Variants in PCDH11X observed in about 807,000 individuals in gnomAD.
The protein encoded by PCDH11X is protocadherin 11 X-linked, also known as protocadherin-11 X-linked.
PCDH11X carries 18 observed loss-of-function variants against 53.3 expected under a neutral mutation model. The ratio of observed to expected loss-of-function variants is 0.34; its 90% CI spans 0.23 to 0.50. The LOEUF is 0.50. Ranked by LOEUF, PCDH11X falls within the 20% of genes least tolerant of loss-of-function variation. The pLI, the probability that PCDH11X is intolerant of heterozygous loss-of-function variation, is 0.98. For missense variants in PCDH11X, 570 were observed against 1,032.4 expected, an observed-to-expected ratio of 0.55 and a Z score of 6.14; for synonymous variants, 279 against 393.3, an observed-to-expected ratio of 0.71 and a Z score of 3.44.
intron 6 of PCDH11X, among the ~76,000 whole-genome samples, chrX:92,122,866 G>A (rs1371277570): frequency 9.0e-6 from 1 of 111,107 alleles, no homozygotes; most frequent in East Asian, 2.8e-4. Context: ...GAACCTGGGA[G>A]GTGGAGGTTC....
intron 5 of PCDH11X, among the ~76,000 whole-genome samples, chrX:91,869,369 T>A (rs1393123574): frequency 9.0e-6 from 1 of 110,779 alleles, no homozygotes; most frequent in African/African-American, 3.3e-5. Flanking sequence ...AGTGAAAAAA[T>A]CATTGAACTA....
intron 7 of PCDH11X, among the ~76,000 whole-genome samples, chrX:92,210,621 A>G (rs1006014322): frequency 2.7e-5 from 3 of 111,667 alleles, no homozygotes; most frequent in African/African-American, 6.5e-5. Context: ...ATTTTAAAAT[A>G]TAAGTTACAG....
intron 10 of PCDH11X, among the ~76,000 whole-genome samples, chrX:92,591,802 A>C (rs1446292176): frequency 9.0e-6 from 1 of 111,120 alleles, no homozygotes; most frequent in Admixed American, 9.6e-5. Context: ...AAAAGGCCTC[A>C]TCTTTGTTGG....
intron 6 of PCDH11X, among the ~76,000 whole-genome samples, chrX:91,903,107 T>C (rs769042580): frequency 1.2e-3 from 134 of 111,408 alleles, no homozygotes; most frequent in Non-Finnish European, 2.2e-3. Flanking sequence ...AAAGCTGTTA[T>C]TTAAATACAA....
chrX:92,190,667 A>G (rs1256546674), intron 6 of PCDH11X, among the ~76,000 whole-genome samples: 1 of 111,664 alleles, frequency 9.0e-6, no homozygotes, highest in Non-Finnish European at 1.9e-5. Flanking sequence ...CAAAATTTCA[A>G]TGAGTCTACT....
At chrX:92,311,407 C>T (rs1292909006) in intron 8 of PCDH11X, among the ~76,000 whole-genome samples, 1 of 109,423 alleles carries the variant, frequency 9.1e-6, no homozygotes, top group Admixed American at 9.9e-5. Flanking sequence ...AGTTGATGTG[C>T]CATCACCACA....
chrX:91,919,871 A>G (rs73630152), intron 6 of PCDH11X, among the ~76,000 whole-genome samples: 8,532 of 111,338 alleles, frequency 0.077, 316 homozygotes, highest in African/African-American at 0.13. Context: ...GAAGTTGATT[A>G]CCCACTCCTT....
chrX:92,305,729 G>A (rs2068813487), intron 8 of PCDH11X, among the ~76,000 whole-genome samples: 1 of 110,141 alleles, frequency 9.1e-6, no homozygotes, highest in Non-Finnish European at 1.9e-5. Flanking sequence ...CTACCTAGAG[G>A]AAGCTGGCAT....
At chrX:92,135,515 C>T (rs1309079253) in intron 6 of PCDH11X, among the ~76,000 whole-genome samples, 1 of 111,040 alleles carries the variant, frequency 9.0e-6, no homozygotes, top group Non-Finnish European at 1.9e-5. Flanking sequence ...AAGGAAGGTA[C>T]TACATTTCAT....
At chrX:92,538,128 G>T (rs1316517470) in intron 10 of PCDH11X, among the ~76,000 whole-genome samples, 1 of 107,445 alleles carries the variant, frequency 9.3e-6, no homozygotes, top group Non-Finnish European at 1.9e-5. Context: ...GACCTTCTTT[G>T]TCTCTTCTTA....
At chrX:92,540,788 G>C (rs1222224874) in intron 10 of PCDH11X, among the ~76,000 whole-genome samples, 1 of 106,742 alleles carries the variant, frequency 9.4e-6, no homozygotes, top group African/African-American at 3.4e-5. Context: ...TATCAGAAGT[G>C]TTTTTTTCCC....
chrX:92,551,256 C>A (rs1924863165), intron 10 of PCDH11X, among the ~76,000 whole-genome samples: 1 of 111,406 alleles, frequency 9.0e-6, no homozygotes, highest in African/African-American at 3.3e-5. Context: ...TTGTTATTGC[C>A]TGTCTTTTGG....
chrX:92,387,871 A>G lies in PCDH11X; in HGVS notation c.3281A>G (p.Tyr1094Cys). ...CCCCTTGGCTATCCTCAGGAGGAGT[A>G]CTTTGATCGTGCTACACCCAGCAAT... is the stretch of plus-strand genomic sequence containing the variant. ...GLPLGYPQEEYFDRATPSNRT... is the reference protein window; with the variant it reads ...GLPLGYPQEECFDRATPSNRT... Residue 1094 changes from tyrosine (Y) to cysteine (C), a missense_variant, in exon 9 of 11, where the codon TAC becomes TGC. Around this residue, in one of 6 missense-constraint regions of PCDH11X, gnomAD observed 234 missense variants for 296.1 expected, o/e 0.79. Transcript: ENST00000682573. 1 of 1,211,150 alleles carries G rather than the reference A, an allele frequency of 8.3e-7. No individual in the cohort carries two copies. The highest frequency in any genetic ancestry group is 1.1e-6 in the Non-Finnish European group (1 of 895,331).
At chrX:91,858,344 T>A (rs2524488) in intron 5 of PCDH11X, among the ~76,000 whole-genome samples, 1 of 111,680 alleles carries the variant, frequency 9.0e-6, no homozygotes, top group Non-Finnish European at 1.9e-5. Context: ...TGAAATCTGC[T>A]GACATGTCCT....
intron 6 of PCDH11X, among the ~76,000 whole-genome samples, chrX:91,948,476 A>G (rs1314420391): frequency 1.8e-5 from 2 of 109,909 alleles, no homozygotes; most frequent in Admixed American, 9.9e-5. Flanking sequence ...TTGCTCTGAC[A>G]ATGTACCTTG....
rs189073042 is a variant in PCDH11X, at chrX:92,153,992, T to A, written c.3034-47383T>A. 1.3e-4 allele frequency among the ~76,000 whole-genome samples: 15 copies of A among 111,619 alleles called. No homozygotes were observed. The East Asian group carries it at 3.9e-3, about 29-fold the overall frequency. On this transcript the variant is annotated intron_variant, in intron 6 of 10. Transcript: ENST00000682573. ...GCCAAAAGTTAATGCCTGTGAAAAATTTTTTAAATATGAGCCATAAATGAG... is the reference window on the plus strand; with the variant it reads ...GCCAAAAGTTAATGCCTGTGAAAAAATTTTTAAATATGAGCCATAAATGAG...
chrX:91,946,245 G>A (rs1049794118), intron 6 of PCDH11X, among the ~76,000 whole-genome samples: 7 of 107,822 alleles, frequency 6.5e-5, no homozygotes, highest in African/African-American at 2.3e-4. Context: ...TCTTGGAAGT[G>A]CACATTTATT....
intron 10 of PCDH11X, among the ~76,000 whole-genome samples, chrX:92,598,284 C>A (rs1157473028): frequency 9.1e-6 from 1 of 109,689 alleles, no homozygotes; most frequent in African/African-American, 3.3e-5. Context: ...GCAAATTACC[C>A]CCCAGACAAG....
chrX:92,393,027 C>T lies in PCDH11X; in HGVS notation c.3343+5094C>T, dbSNP rs1265803318. 4.4e-4 allele frequency among the ~76,000 whole-genome samples: 49 copies of T among 110,678 alleles called. 1 individual carries two copies. Among genetic ancestry groups the T allele is most frequent in the African/African-American group, 1.5e-3 (47 of 30,628 alleles). On this transcript the variant is annotated intron_variant, in intron 9 of 10. Transcript: ENST00000682573. Reference sequence around the variant, plus strand: ...GTTAATTAAGTGTTTTTGTTTGCTGCTATATGCCCAGGAAAATTTGACTCC... The same window carrying T: ...GTTAATTAAGTGTTTTTGTTTGCTGTTATATGCCCAGGAAAATTTGACTCC...
Sources: gnomAD v4.1 joint callset for allele counts (sites outside exome capture counted in the v4.1 genomes callset) on GRCh38, gnomAD v4.1.1 for gene constraint, gnomAD v4.1.1 regional missense constraint, MANE v1.5 for transcripts, NCBI Gene and HGNC (gene_info 2026-07-23, HGNC 2026-07-21) for gene names.